TENM4: variants seen among roughly 807,000 people sequenced by gnomAD.
TENM4 encodes the protein teneurin transmembrane protein 4.
TENM4 carries 82 observed loss-of-function variants against 243.3 expected under a neutral mutation model. The ratio of observed to expected loss-of-function variants is 0.34; its 90% CI spans 0.28 to 0.40. The LOEUF is 0.40. Among genes scored for constraint, TENM4 ranks in the 10% least tolerant of loss-of-function variants. The pLI is 1.00. For synonymous variants in TENM4, 1,412 were observed against 1,456.3 expected (o/e 0.97, Z 0.69); for missense variants, 3,138 against 3,673.3 (o/e 0.85, Z 3.77).
chr11:78,738,629 G>A (rs1855853224), intron 19 of TENM4, 59 bp from the exon 20 acceptor site: 5 of 1,563,436 alleles, frequency 3.2e-6, no homozygotes, highest in East Asian at 2.3e-5. Context: ...AGCCCTGGCT[G>A]GCAGGGAACC....
At chr11:78,745,112 A>T (rs1856016676) in intron 19 of TENM4, among the ~76,000 whole-genome samples, 1 of 152,136 alleles carries the variant, frequency 6.6e-6, no homozygotes, top group Non-Finnish European at 1.5e-5. Flanking sequence ...ATACAGATAC[A>T]CAGACAGACA....
In TENM4 at chr11:78,670,202, T is replaced by C. The variant is rs748759081; in HGVS notation, c.6143A>G (p.Asn2048Ser). 6.2e-7 allele frequency: 1 copy of C among 1,613,942 alleles called. No homozygotes were observed. Among genetic ancestry groups the C allele is most frequent in the South Asian group, 1.1e-5 (1 of 91,064 alleles). The change falls in exon 32 of 34, where the codon AAT becomes AGT. Residue 2048 changes from asparagine to serine, a missense_variant. Asn to Ser is a conservative substitution (Grantham distance 46). Coordinates refer to ENST00000278550, the MANE Select transcript of TENM4 (RefSeq NM_001098816.3). ...AGMLKTINLQ[N>S]EGFTCTIRYR... Reference sequence around the variant, plus strand: ...GCGGATGGTGCAGGTGAAGCCCTCATTCTGTAGGTTGATGGTCTTCAGCAT... The same window carrying C: ...GCGGATGGTGCAGGTGAAGCCCTCACTCTGTAGGTTGATGGTCTTCAGCAT...
intron 8 of TENM4, 32 bp downstream of exon 8, chr11:78,891,206 C>G (rs1453391078): frequency 2.6e-6 from 4 of 1,546,288 alleles, no homozygotes; most frequent in Non-Finnish European, 3.5e-6. Context: ...AAGGAGAGCA[C>G]ACACAGAGAG....
At chr11:79,125,149 C>CTT (rs1861847713) in intron 4 of TENM4, among the ~76,000 whole-genome samples, 1 of 151,998 alleles carries the variant, frequency 6.6e-6, no homozygotes, top group Non-Finnish European at 1.5e-5. Context: ...TGTTTACAGA[C>CTT]TTATGCAAAA....
chr11:78,832,507 T>C (rs753931866), intron 12 of TENM4, among the ~76,000 whole-genome samples: 1 of 152,278 alleles, frequency 6.6e-6, no homozygotes, highest in African/African-American at 2.4e-5. Context: ...TTATCCATAT[T>C]AATAGAGTTG....
chr11:78,940,421 C>T (rs1173801934), intron 6 of TENM4, among the ~76,000 whole-genome samples: 1 of 152,146 alleles, frequency 6.6e-6, no homozygotes. Context: ...AAACAGAGGA[C>T]CCCCATCCCC....
At chr11:79,166,538 C>T (rs1306470972) in intron 3 of TENM4, among the ~76,000 whole-genome samples, 4 of 152,126 alleles carry the variant, frequency 2.6e-5, no homozygotes, top group Non-Finnish European at 5.9e-5. Flanking sequence ...TTATTGACTG[C>T]TTACTATTGG....
chr11:78,891,584 A>T (rs555631531), intron 7 of TENM4, among the ~76,000 whole-genome samples: 2 of 152,358 alleles, frequency 1.3e-5, no homozygotes, highest in East Asian at 3.9e-4. Context: ...CACAGTTCTC[A>T]CTGGAGAGGA....
chr11:79,161,758 A>G (rs1010654355), intron 3 of TENM4, among the ~76,000 whole-genome samples: 1 of 152,216 alleles, frequency 6.6e-6, no homozygotes, highest in African/African-American at 2.4e-5. Context: ...AAAGGAGTTC[A>G]ACCTTTATCT....
At chr11:79,213,824 T>A (rs1863996719) in intron 3 of TENM4, among the ~76,000 whole-genome samples, 1 of 152,176 alleles carries the variant, frequency 6.6e-6, no homozygotes. Flanking sequence ...GTTCAGCTTT[T>A]ATCTTACTAT....
chr11:79,253,311 G>A (rs1398488288), intron 2 of TENM4, among the ~76,000 whole-genome samples: 1 of 152,168 alleles, frequency 6.6e-6, no homozygotes, highest in African/African-American at 2.4e-5. Context: ...TGTTCCCAAA[G>A]AGGCTATTTT....
chr11:78,899,433 G>A (rs989882841), intron 7 of TENM4, among the ~76,000 whole-genome samples: 2 of 151,708 alleles, frequency 1.3e-5, no homozygotes, highest in Non-Finnish European at 2.9e-5. Context: ...AAATCAGCTG[G>A]GCATGGGGGT....
chr11:78,894,407 G>A (rs1855741092), intron 7 of TENM4, among the ~76,000 whole-genome samples: 1 of 152,160 alleles, frequency 6.6e-6, no homozygotes, highest in South Asian at 2.1e-4. Flanking sequence ...AAAGGATAAA[G>A]ATCAAAATGT....
chr11:79,109,907 T>C (rs907600826), intron 4 of TENM4, among the ~76,000 whole-genome samples: 7 of 152,184 alleles, frequency 4.6e-5, no homozygotes, highest in Non-Finnish European at 1.0e-4. Context: ...TAGTAAGCAT[T>C]AACTGAGATA....
chr11:78,779,166 G>A (rs1328823224), intron 16 of TENM4, among the ~76,000 whole-genome samples: 1 of 152,198 alleles, frequency 6.6e-6, no homozygotes, highest in Non-Finnish European at 1.5e-5. Context: ...TTGAGTCTTT[G>A]GTCAAATATA....
intron 6 of TENM4, among the ~76,000 whole-genome samples, chr11:79,061,125 T>C (rs572496606): frequency 6.6e-6 from 1 of 152,336 alleles, no homozygotes. Context: ...TTAATCTCTC[T>C]GTGCCTCAGT....
chr11:78,725,140 G>A (rs903262097), intron 23 of TENM4, among the ~76,000 whole-genome samples: 1 of 152,178 alleles, frequency 6.6e-6, no homozygotes, highest in Non-Finnish European at 1.5e-5. Flanking sequence ...CAATTTATCT[G>A]TTCCTGTGCC....
rs562558033 is a variant in TENM4, at chr11:79,163,932, C to T, written c.-162-15126G>A. Among the ~76,000 whole-genome samples the T allele has an allele frequency of 6.3e-3, 866 of 137,544 alleles. 8 individuals are homozygous for T. The highest frequency in any genetic ancestry group is 0.022 in the African/African-American group (811 of 36,792). The allele number at this position is 137,544 out of a possible 152,430, so 90.2% of individuals were successfully genotyped here. ...TATATAGGTATATATCCATATATATCATATATATCTATATAGTACTATATA... is the reference window on the plus strand; with the variant it reads ...TATATAGGTATATATCCATATATATTATATATATCTATATAGTACTATATA... On this transcript the variant is annotated intron_variant, in intron 3 of 33. Transcript: ENST00000278550.
At chr11:79,177,141 T>A (rs906941514) in intron 3 of TENM4, among the ~76,000 whole-genome samples, 3 of 152,142 alleles carry the variant, frequency 2.0e-5, no homozygotes, top group African/African-American at 4.8e-5. Flanking sequence ...AAACCTTTTT[T>A]TTTTCAAAGC....
Sources: allele counts gnomAD v4.1 joint callset (sites outside exome capture counted in the v4.1 genomes callset), GRCh38; gene constraint gnomAD v4.1.1; transcripts MANE v1.5; gene names NCBI Gene and HGNC (gene_info 2026-07-23, HGNC 2026-07-21).